Variants in TLN1 observed in about 807,000 individuals in gnomAD.
TLN1 encodes the protein talin 1.
TLN1 carries 56 observed loss-of-function variants against 292.3 expected under a neutral mutation model. That is an observed-to-expected ratio of 0.19 (90% CI 0.15 to 0.24). TLN1 has a LOEUF of 0.24. TLN1 is among the 10% of genes least tolerant of loss of function. TLN1 has a pLI of 1.00. For missense variants in TLN1, 2,433 were observed against 3,248.2 expected, an observed-to-expected ratio of 0.75 and a Z score of 6.10; for synonymous variants, 1,119 against 1,253.7, an observed-to-expected ratio of 0.89 and a Z score of 2.27.
In TLN1 at chr9:35,698,726, C is replaced by T. The variant is rs1295910694; in HGVS notation, c.7126-47G>A. 1 of 1,614,150 alleles carries T rather than the reference C, an allele frequency of 6.2e-7. No individual in the cohort carries two copies. Among genetic ancestry groups the T allele is most frequent in the Non-Finnish European group, 8.5e-7 (1 of 1,180,032 alleles). ...ACTTAGACCTGCATTTTCCTCACTT[C>T]AAAGACTCGCTGGCTATGGATGTGG... On this transcript the variant is annotated intron_variant, in intron 53 of 56. Transcript: ENST00000314888. This position sits in a 1 kb window ranked among gnomAD's most constrained non-coding sequence, Gnocchi z 5.3.
At chr9:35,705,096 A>C (rs762906154) in intron 43 of TLN1, among the ~76,000 whole-genome samples, 4 of 152,090 alleles carry the variant, frequency 2.6e-5, no homozygotes, top group African/African-American at 9.7e-5. Context: ...TGAATGTGGG[A>C]ATCAGAGGGC....
Position 35,724,982 on chromosome 9 carries a change from C to T in TLN1, c.229-23G>A, listed in dbSNP as rs1825943121. ...GTCCTGTTAGGGCAGGAAGAAGAGA[C>T]AGGGGCCTACTCTGAGCTAGGGGTA... On this transcript the variant is annotated intron_variant, in intron 3 of 56. Transcript: ENST00000314888. The surrounding 1 kb of genome is among the most constrained non-coding windows in gnomAD (Gnocchi z 4.7). The T allele has an allele frequency of 1.9e-6, 3 of 1,613,644 alleles. No individual in the cohort carries two copies. The highest frequency in any genetic ancestry group is 1.7e-4 in the Middle Eastern group (1 of 5,736).
Position 35,697,690 on chromosome 9 carries a change from A to C in TLN1, c.*101T>G. The C allele has an allele frequency of 2.0e-6, 3 of 1,515,930 alleles. No homozygotes were observed. Among genetic ancestry groups the C allele is most frequent in the Non-Finnish European group, 2.7e-6 (3 of 1,126,892 alleles). The allele number at this position is 1,515,930 out of a possible 1,614,324, so 93.9% of individuals were successfully genotyped here. A position where few individuals can be genotyped will look rare whatever the true frequency, so the allele number is the denominator to read the frequency against. On this transcript the variant is annotated 3_prime_UTR_variant, in exon 57 of 57. Transcript: ENST00000314888. Reference sequence around the variant, plus strand: ...CTGGGGTTTGGCAGGCACTTTGGGGAGTGCTGGGGTTGGGCAGGTTGGGCC... The same window carrying C: ...CTGGGGTTTGGCAGGCACTTTGGGGCGTGCTGGGGTTGGGCAGGTTGGGCC...
rs777552824 is a variant in TLN1 at position 35,719,471 on chromosome 9, T to C, written c.1687+48A>G. The C allele has an allele frequency of 6.5e-7, 1 of 1,544,032 alleles. No individual in the cohort carries two copies. The highest frequency in any genetic ancestry group is 9.0e-7 in the Non-Finnish European group (1 of 1,117,256). Reference sequence around the variant, plus strand: ...AGTCACATGCATGCCTGTGCACACTTGCACCCCCTCTCCCCATCACACACC... The same window carrying C: ...AGTCACATGCATGCCTGTGCACACTCGCACCCCCTCTCCCCATCACACACC... On this transcript the variant is annotated intron_variant, in intron 15 of 56. Transcript: ENST00000314888. This position sits in a 1 kb window ranked among gnomAD's most constrained non-coding sequence, Gnocchi z 4.6.
At position 35,719,286 on chromosome 9, in the gene TLN1, A is replaced by G; in HGVS notation, c.1688-4T>C. On this transcript the variant is annotated splice_region_variant and splice_polypyrimidine_tract_variant and intron_variant, in intron 15 of 56. Coordinates refer to ENST00000314888, the MANE Select transcript of TLN1 (RefSeq NM_006289.4). This position sits in a 1 kb window ranked among gnomAD's most constrained non-coding sequence, Gnocchi z 4.6. ...TAGTCTGTCTCAGCAGGGTCCCCTA[A>G]GGGGAAAAGGAGAAAGAGGAACATG... 1 of 1,611,112 alleles carries G rather than the reference A, an allele frequency of 6.2e-7. No individual in the cohort carries two copies. Among genetic ancestry groups the G allele is most frequent in the Non-Finnish European group, 8.5e-7 (1 of 1,177,930 alleles).
chr9:35,725,859 T>A (rs1309672380), intron 1 of TLN1, 132 bp from the exon 2 acceptor site: 3 of 713,924 alleles, frequency 4.2e-6, no homozygotes, highest in Non-Finnish European at 6.6e-6. Context: ...GTTGTTTTCA[T>A]TGTATTTAAT....
intron 30 of TLN1, 57 bp from the exon 31 acceptor site, chr9:35,711,139 A>G: frequency 2.5e-6 from 4 of 1,610,740 alleles, no homozygotes; most frequent in Non-Finnish European, 3.4e-6. Context: ...CCTGGGTCCT[A>G]TGTAAGTATT....
In TLN1 at chr9:35,706,145, G is replaced by GT. The variant is rs1563940141; in HGVS notation, c.5362-35dup. 6.2e-7 allele frequency: 1 copy of GT among 1,612,820 alleles called. No homozygotes were observed. Among genetic ancestry groups the GT allele is most frequent in the Non-Finnish European group, 8.5e-7 (1 of 1,179,314 alleles). ...AGAGGAGAGGAGCTCTGTTGTTCCT[G>GT]TTTCTCCAGCCTCCTGCTAGTAACA... On this transcript the variant is annotated intron_variant, in intron 40 of 56. Coordinates refer to ENST00000314888, the MANE Select transcript of TLN1 (RefSeq NM_006289.4). This position sits in a 1 kb window ranked among gnomAD's most constrained non-coding sequence, Gnocchi z 4.2.
rs762079887 is a variant in TLN1 at position 35,717,298 on chromosome 9, G to A, written c.2306C>T (p.Ala769Val). The A allele has an allele frequency of 5.6e-6, 9 of 1,614,162 alleles. No individual in the cohort carries two copies. Among genetic ancestry groups the A allele is most frequent in the Non-Finnish European group, 6.8e-6 (8 of 1,180,034 alleles). ...GGCCTGGGTGACAGCTGTGGCTGCT[G>A]CTCCTACCCCTCGCAACAGTTGCCC... ...EDGQLLRGVG[A>V]AATAVTQALN... The change falls in exon 19 of 57, where the codon GCA becomes GTA. Residue 769 changes from alanine to valine, a missense_variant. Transcript: ENST00000314888. This position sits in a 1 kb window ranked among gnomAD's most constrained non-coding sequence, Gnocchi z 4.7.
At position 35,703,541 on chromosome 9, in the gene TLN1, G is replaced by A; in HGVS notation, c.6474+19C>T. 3 of 1,607,650 alleles carry A rather than the reference G, an allele frequency of 1.9e-6. No homozygotes were observed. Among genetic ancestry groups the A allele is most frequent in the Non-Finnish European group, 2.6e-6 (3 of 1,174,182 alleles). ...CCTCTCTCTGACCCTAGTCACTGAT[G>A]CCCCAGACTCTCACTCACCGCCAGC... On this transcript the variant is annotated intron_variant, in intron 48 of 56. Coordinates refer to ENST00000314888, the MANE Select transcript of TLN1 (RefSeq NM_006289.4).
intron 33 of TLN1, among the ~76,000 whole-genome samples, chr9:35,708,802 T>C (rs1007557674): frequency 6.6e-6 from 1 of 152,238 alleles, no homozygotes; most frequent in Admixed American, 6.5e-5. Context: ...GAGTGAAAAG[T>C]ATGGCTTACT....
chr9:35,698,493 C>T lies in TLN1; in HGVS notation c.7201G>A (p.Ala2401Thr), dbSNP rs1825406814. 1.2e-6 allele frequency: 2 copies of T among 1,613,908 alleles called. No individual in the cohort carries two copies. The highest frequency in any genetic ancestry group is 1.7e-6 in the Non-Finnish European group (2 of 1,179,922). ...QGLISAARMV[A>T]AATNNLCEAA... ...TCACACAGATTGTTGGTGGCCGCAG[C>T]CACCATCCGGGCCTAAAGCAGGGAG... The change falls in exon 55 of 57, where the codon GCT (alanine) becomes ACT (threonine). Residue 2401 changes from alanine (A) to threonine (T), a missense_variant. Ala to Thr is a moderately conservative substitution (Grantham distance 58). Coordinates refer to ENST00000314888, the MANE Select transcript of TLN1 (RefSeq NM_006289.4). The surrounding 1 kb of genome is among the most constrained non-coding windows in gnomAD (Gnocchi z 5.3).
intron 8 of TLN1, among the ~76,000 whole-genome samples, 169 bp downstream of exon 8, chr9:35,722,692 T>TA (rs1302630426): frequency 6.6e-6 from 1 of 152,206 alleles, no homozygotes; most frequent in East Asian, 1.9e-4. Context: ...GAGCTGAGAC[T>TA]AAAAGCCCAA....
At chr9:35,709,261 C>G (rs1410812834) in intron 33 of TLN1, among the ~76,000 whole-genome samples, 2 of 152,166 alleles carry the variant, frequency 1.3e-5, no homozygotes, top group Non-Finnish European at 2.9e-5. Context: ...TGCCTCTGCA[C>G]TCCAGCCTGG....
chr9:35,715,242 A>C lies in TLN1; in HGVS notation c.2626-55T>G. The C allele has an allele frequency of 1.9e-6, 3 of 1,591,708 alleles. No homozygotes were observed. The Admixed American group carries it at 5.1e-5, about 27-fold the overall frequency. On this transcript the variant is annotated intron_variant, in intron 20 of 56. Transcript: ENST00000314888. ...CCCAGCTCTCCTGTGGATCCTAAAG[A>C]AGCTCCTCTCTCACTCCTCTAGACT...
At position 35,720,382 on chromosome 9, in the gene TLN1, C is replaced by T. The variant is rs371091140; in HGVS notation, c.1283+51G>A. On this transcript the variant is annotated intron_variant, in intron 12 of 56. Transcript: ENST00000314888. ...CCTCCCAAGAGTCCTTAGAGTCAGG[C>T]CTTGCCTTCTCTACCCCTGGGAAAT... The T allele has an allele frequency of 3.5e-5, 56 of 1,600,430 alleles. No individual in the cohort carries two copies. In the East Asian group the frequency reaches 1.1e-3, roughly 32 times the overall value.
chr9:35,722,579 G>C (rs1235129740), intron 8 of TLN1, among the ~76,000 whole-genome samples: 27 of 152,194 alleles, frequency 1.8e-4, no homozygotes, highest in Admixed American at 1.8e-3. Context: ...TACCTCATTT[G>C]ATCCTATCAG....
rs1825555210 is a variant in TLN1 at position 35,705,841 on chromosome 9, C to T, written c.5522G>A (p.Gly1841Glu). 2 of 1,614,216 alleles carry T rather than the reference C, an allele frequency of 1.2e-6. No homozygotes were observed. Among genetic ancestry groups the T allele is most frequent in the Non-Finnish European group, 8.5e-7 (1 of 1,180,050 alleles). Reference sequence around the variant, plus strand: ...GGAACCTTCTGGTTCACCCATTGGTCCTTCATCTAGCTGAGGGGGGAGGAT... The same window carrying T: ...GGAACCTTCTGGTTCACCCATTGGTTCTTCATCTAGCTGAGGGGGGAGGAT... Reference protein sequence around the residue: ...ITQAINQLDEGPMGEPEGSFV... With the variant: ...ITQAINQLDEEPMGEPEGSFV... Residue 1841 changes from glycine to glutamate, a missense_variant, in exon 42 of 57, where the codon GGA becomes GAA. Around this residue, in one of 7 missense-constraint regions of TLN1, gnomAD observed 1,384 missense variants for 1,699.6 expected, o/e 0.81. Coordinates refer to ENST00000314888, the MANE Select transcript of TLN1 (RefSeq NM_006289.4).
chr9:35,715,330 C>A (rs1193320437), intron 20 of TLN1, 143 bp from the exon 21 acceptor site: 2 of 1,192,170 alleles, frequency 1.7e-6, no homozygotes, highest in Non-Finnish European at 2.3e-6. Flanking sequence ...AAGGCAATCA[C>A]CTTTGAGAGG....
Sources: gnomAD v4.1 joint callset for allele counts (sites outside exome capture counted in the v4.1 genomes callset) on GRCh38, gnomAD v4.1.1 for gene constraint, gnomAD v4.1.1 regional missense constraint, Gnocchi (gnomAD v3.1) non-coding constraint, MANE v1.5 for transcripts, NCBI Gene and HGNC (gene_info 2026-07-23, HGNC 2026-07-21) for gene names.